DGKB: variants seen among roughly 807,000 people sequenced by gnomAD.
DGKB encodes diacylglycerol kinase beta.
A neutral mutation model predicts 114.3 loss-of-function variants in DGKB; 67 were observed. The observed-to-expected ratio is 0.59, with a 90% CI of 0.48 to 0.72. The LOEUF (loss-of-function observed/expected upper bound fraction) is 0.72, where lower values mean the gene tolerates loss of function less well. Ranked by LOEUF, DGKB falls within the 30% of genes least tolerant of loss-of-function variation. The pLI is 0.00. For missense variants in DGKB, 907 were observed against 975.2 expected (o/e 0.93, Z 0.93); for synonymous variants, 398 against 323.1 (o/e 1.23, Z -2.49).
Position 14,551,292 on chromosome 7 carries a change from C to G in DGKB, c.1770+22920G>C, listed in dbSNP as rs184130111. On this transcript the variant is annotated intron_variant, in intron 20 of 25. Transcript: ENST00000402815. ...AGACTTAGAAGATTTCTACAGTTAA[C>G]ATAGACCCAATTCTGATTTCAGAAG... 7.9e-5 allele frequency among the ~76,000 whole-genome samples: 12 copies of G among 152,308 alleles called. No homozygotes were observed. The East Asian group carries it at 2.1e-3, about 27-fold the overall frequency.
intron 20 of DGKB, among the ~76,000 whole-genome samples, chr7:14,491,472 C>T (rs1784590655): frequency 6.6e-6 from 1 of 152,054 alleles, no homozygotes; most frequent in African/African-American, 2.4e-5. Context: ...TGGAAATGGA[C>T]TAATACCCAT....
intron 21 of DGKB, among the ~76,000 whole-genome samples, chr7:14,434,970 C>T (rs1344557641): frequency 6.6e-6 from 1 of 152,074 alleles, no homozygotes; most frequent in Non-Finnish European, 1.5e-5. Context: ...GATGCACCTT[C>T]TCTTCCCCAT....
intron 2 of DGKB, among the ~76,000 whole-genome samples, chr7:14,838,854 A>G (rs1225688770): frequency 6.6e-6 from 1 of 152,140 alleles, no homozygotes; most frequent in Non-Finnish European, 1.5e-5. Context: ...ATTCTTACAG[A>G]CTTCACTCAC....
Position 14,708,854 on chromosome 7 carries a change from T to C in DGKB, c.467-7124A>G, listed in dbSNP as rs542298109. ...GATTTAAACGTTAGACCTAAAACCA[T>C]AAAAACCCTAAAAGAAAACCTAGGC... On this transcript the variant is annotated intron_variant, in intron 6 of 25. Transcript: ENST00000402815. Among the ~76,000 whole-genome samples, 103 of 150,060 alleles carry C rather than the reference T, an allele frequency of 6.9e-4. 3 individuals carry two copies. The South Asian group carries it at 0.02, about 30-fold the overall frequency.
At chr7:14,589,823 T>G (rs1005091046) in intron 17 of DGKB, among the ~76,000 whole-genome samples, 1 of 152,128 alleles carries the variant, frequency 6.6e-6, no homozygotes, top group Admixed American at 6.6e-5. Flanking sequence ...TTTGCATCAA[T>G]CTTTATGAAC....
intron 20 of DGKB, among the ~76,000 whole-genome samples, chr7:14,520,221 T>TTTTTC (rs1434806724): frequency 1.3e-5 from 2 of 150,302 alleles, no homozygotes; most frequent in Non-Finnish European, 3.0e-5. Flanking sequence ...TTTTTTTTTT[T>TTTTTC]TTTTTGCAGG....
chr7:14,963,029 T>C (rs906394115), intron 1 of DGKB, among the ~76,000 whole-genome samples: 3 of 152,132 alleles, frequency 2.0e-5, no homozygotes, highest in African/African-American at 7.2e-5. Flanking sequence ...GCCCTGCTTG[T>C]CTTATTCTCT....
intron 8 of DGKB, among the ~76,000 whole-genome samples, chr7:14,696,595 T>C (rs1351742953): frequency 2.0e-5 from 3 of 150,198 alleles, no homozygotes; most frequent in Non-Finnish European, 4.4e-5. Flanking sequence ...GCTGGCTTGA[T>C]TGACAGATGA....
intron 1 of DGKB, among the ~76,000 whole-genome samples, chr7:14,860,856 T>C (rs568053050): frequency 1.3e-5 from 2 of 151,956 alleles, no homozygotes; most frequent in African/African-American, 4.8e-5. Context: ...ACCTAGAAAA[T>C]TTATAGATTT....
At chr7:14,627,605 TGTA>T (rs976434589) in intron 14 of DGKB, among the ~76,000 whole-genome samples, 16 of 151,714 alleles carry the variant, frequency 1.1e-4, no homozygotes, top group African/African-American at 3.9e-4. Flanking sequence ...TGTGTGTGTG[TGTA>T]GTATACATAC....
intron 23 of DGKB, among the ~76,000 whole-genome samples, chr7:14,265,417 A>G (rs1465589639): frequency 7.4e-6 from 1 of 135,522 alleles, no homozygotes; most frequent in Non-Finnish European, 1.5e-5. Flanking sequence ...GTACTGTGCT[A>G]ATTGCTCCAG....
intron 19 of DGKB, among the ~76,000 whole-genome samples, chr7:14,576,597 A>C (rs1241456650): frequency 6.6e-6 from 1 of 152,110 alleles, no homozygotes; most frequent in African/African-American, 2.4e-5. Flanking sequence ...AATTAGCAGA[A>C]ATACTAGTAA....
At chr7:14,259,677 C>T (rs1384673051) in intron 23 of DGKB, among the ~76,000 whole-genome samples, 1 of 152,146 alleles carries the variant, frequency 6.6e-6, no homozygotes, top group East Asian at 1.9e-4. Flanking sequence ...CCACCCACCT[C>T]AGCCTCCCAA....
intron 25 of DGKB, among the ~76,000 whole-genome samples, chr7:14,170,145 A>AAAAAAAAAAG (rs1369239302): frequency 1.0e-5 from 1 of 99,982 alleles, no homozygotes; most frequent in Non-Finnish European, 2.0e-5. Context: ...AAAAAAAAAA[A>AAAAAAAAAAG]AAAGAAAGAA....
intron 21 of DGKB, among the ~76,000 whole-genome samples, chr7:14,396,339 T>G (rs965334296): frequency 6.6e-6 from 1 of 152,134 alleles, no homozygotes; most frequent in Non-Finnish European, 1.5e-5. Context: ...GACTAAATTA[T>G]CAAAACTTAC....
At chr7:14,609,958 C>T (rs1401833673) in intron 16 of DGKB, among the ~76,000 whole-genome samples, 1 of 151,948 alleles carries the variant, frequency 6.6e-6, no homozygotes, top group Non-Finnish European at 1.5e-5. Flanking sequence ...TAGAAAATGG[C>T]TTGAATATTT....
intron 5 of DGKB, among the ~76,000 whole-genome samples, chr7:14,726,448 T>C: frequency 6.6e-6 from 1 of 152,162 alleles, no homozygotes; most frequent in Admixed American, 6.6e-5. Flanking sequence ...CGGAGTTTTA[T>C]ACTCTAAGCA....
At chr7:14,525,723 GA>G (rs1352836488) in intron 20 of DGKB, among the ~76,000 whole-genome samples, 1 of 152,070 alleles carries the variant, frequency 6.6e-6, no homozygotes, top group East Asian at 1.9e-4. Flanking sequence ...AAAAAAAGTA[GA>G]AAAAGTAAAA....
intron 25 of DGKB, among the ~76,000 whole-genome samples, chr7:14,162,527 T>C (rs1312866895): frequency 6.6e-6 from 1 of 152,190 alleles, no homozygotes; most frequent in Non-Finnish European, 1.5e-5. Context: ...TGTTTTTAGA[T>C]ATTGTGTCCA....
Sources: gnomAD v4.1 joint callset for allele counts (sites outside exome capture counted in the v4.1 genomes callset) on GRCh38, gnomAD v4.1.1 for gene constraint, MANE v1.5 for transcripts, NCBI Gene and HGNC (gene_info 2026-07-23, HGNC 2026-07-21) for gene names.